Variants in USP12 observed in about 807,000 individuals in gnomAD.
USP12 encodes ubiquitin specific peptidase 12, also known as ubiquitin carboxyl-terminal hydrolase 12.
In USP12, 19 loss-of-function variants were observed where a neutral mutation model predicts 45.5. That is an observed-to-expected ratio of 0.42 (90% CI 0.29 to 0.61). The LOEUF (loss-of-function observed/expected upper bound fraction) is 0.61. USP12 is among the 20% of genes least tolerant of loss of function. USP12 has a pLI of 0.22. For missense variants in USP12, 242 were observed against 447.7 expected (o/e 0.54, Z 4.15); for synonymous variants, 149 against 148.8 (o/e 1.00, Z -0.01).
intron 1 of USP12, chr13:27,170,251 A>G (rs1878528087): frequency 5.0e-6 from 2 of 398,550 alleles, no homozygotes; most frequent in East Asian, 7.1e-5. Context: ...ACCTGATTTC[A>G]GTCATTTTTT....
chr13:27,093,306 C>T (rs1173019586), intron 4 of USP12, among the ~76,000 whole-genome samples: 1 of 41,812 alleles, frequency 2.4e-5, no homozygotes, highest in African/African-American at 4.6e-5. Flanking sequence ...CAAAATTATA[C>T]CCGAAAAAAA....
Position 27,096,694 on chromosome 13 carries a change from C to A in USP12, c.344-864G>T, listed in dbSNP as rs147604591. Reference sequence around the variant, plus strand: ...CAGAGCCAGGATTCAAACTGGGCAGCCTGACTCCACCATGCCACACACAAA... The same window carrying A: ...CAGAGCCAGGATTCAAACTGGGCAGACTGACTCCACCATGCCACACACAAA... On this transcript the variant is annotated intron_variant, in intron 3 of 8. Transcript: ENST00000282344. 3.0e-4 allele frequency among the ~76,000 whole-genome samples: 45 copies of A among 152,242 alleles called. 1 individual carries two copies. In the Middle Eastern group the frequency reaches 0.027, roughly 92 times the overall value.
intron 3 of USP12, among the ~76,000 whole-genome samples, chr13:27,104,601 A>T (rs930664416): frequency 3.9e-5 from 6 of 152,256 alleles, no homozygotes; most frequent in African/African-American, 1.4e-4. Flanking sequence ...ATGAGCAATT[A>T]ATCAAATTAT....
chr13:27,148,753 T>C (rs1462938397), intron 1 of USP12, among the ~76,000 whole-genome samples: 1 of 132,716 alleles, frequency 7.5e-6, no homozygotes, highest in Non-Finnish European at 1.6e-5. Flanking sequence ...TAAAATAGCA[T>C]ATCAATTGAA....
At chr13:27,122,668 T>C (rs1876050045) in intron 1 of USP12, among the ~76,000 whole-genome samples, 1 of 151,444 alleles carries the variant, frequency 6.6e-6, no homozygotes, top group Non-Finnish European at 1.5e-5. Context: ...AATAAATAAA[T>C]AAATAAATAT....
chr13:27,076,545 T>C (rs1404176178), intron 6 of USP12, among the ~76,000 whole-genome samples: 1 of 152,256 alleles, frequency 6.6e-6, no homozygotes, highest in African/African-American at 2.4e-5. Flanking sequence ...TAGGTGATTA[T>C]GGTTCTTTTC....
chr13:27,093,056 C>T (rs988440198), intron 4 of USP12, among the ~76,000 whole-genome samples: 5 of 151,804 alleles, frequency 3.3e-5, no homozygotes, highest in South Asian at 4.2e-4. Context: ...ATTAGCCGGG[C>T]GTGGTGGCGC....
intron 1 of USP12, among the ~76,000 whole-genome samples, chr13:27,142,533 T>C (rs552064697): frequency 6.8e-4 from 104 of 152,328 alleles, no homozygotes; most frequent in African/African-American, 2.4e-3. Context: ...TTTTTACGAA[T>C]GTACACACAA....
At position 27,106,576 on chromosome 13, in the gene USP12, G is replaced by T. The variant is rs1248586826; in HGVS notation, c.130-632C>A. ...GGAGCACTATGAAACTATAAAAAAG[G>T]AATGAGGATAATTCTCATATTTCTA... On this transcript the variant is annotated intron_variant, in intron 2 of 8. Transcript: ENST00000282344. Among the ~76,000 whole-genome samples the T allele has an allele frequency of 3.3e-5, 5 of 152,198 alleles. No individual in the cohort carries two copies. The East Asian group carries it at 9.7e-4, about 29-fold the overall frequency.
At chr13:27,138,400 A>G (rs759013431) in intron 1 of USP12, among the ~76,000 whole-genome samples, 1 of 152,212 alleles carries the variant, frequency 6.6e-6, no homozygotes, top group Non-Finnish European at 1.5e-5. Context: ...TAAATTTATG[A>G]ACAGAAGCAA....
intron 2 of USP12, among the ~76,000 whole-genome samples, chr13:27,113,171 C>T (rs1263880780): frequency 1.3e-5 from 2 of 150,896 alleles, no homozygotes; most frequent in Non-Finnish European, 2.9e-5. Flanking sequence ...GAAGGTGAAG[C>T]TGCAGTGAGC....
chr13:27,091,209 AG>A (rs1177561947), intron 4 of USP12, among the ~76,000 whole-genome samples: 2 of 152,218 alleles, frequency 1.3e-5, no homozygotes, highest in Non-Finnish European at 2.9e-5. Context: ...TCAATTTTGT[AG>A]AAAAGTGGGT....
intron 7 of USP12, among the ~76,000 whole-genome samples, chr13:27,072,870 C>T (rs145680445): frequency 1.1e-3 from 164 of 152,186 alleles, no homozygotes; most frequent in African/African-American, 3.6e-3. Context: ...CTGCGCACAC[C>T]CTCCACACTT....
intron 1 of USP12, among the ~76,000 whole-genome samples, chr13:27,125,171 A>AGTAT (rs1418039432): frequency 6.6e-6 from 1 of 152,194 alleles, no homozygotes; most frequent in African/African-American, 2.4e-5. Flanking sequence ...TCAATATGTA[A>AGTAT]GTATGTATGT....
At chr13:27,164,956 A>C (rs10507377) in intron 1 of USP12, among the ~76,000 whole-genome samples, 6,016 of 152,264 alleles carry the variant, frequency 0.04, 158 homozygotes, top group Admixed American at 0.075. Context: ...TAAATATAAT[A>C]ATATGGCCTC....
At chr13:27,122,951 A>G (rs1361507629) in intron 1 of USP12, among the ~76,000 whole-genome samples, 1 of 152,052 alleles carries the variant, frequency 6.6e-6, no homozygotes, top group Non-Finnish European at 1.5e-5. Context: ...AAAATTAGCC[A>G]GGCCTGGTGG....
At chr13:27,100,709 A>G (rs2137781032) in intron 3 of USP12, among the ~76,000 whole-genome samples, 1 of 152,336 alleles carries the variant, frequency 6.6e-6, no homozygotes, top group Middle Eastern at 3.4e-3. Flanking sequence ...AGGTCCACTA[A>G]GGCAAGGAGT....
intron 1 of USP12, chr13:27,117,652 C>T (rs1044290528): frequency 1.8e-5 from 7 of 388,970 alleles, no homozygotes; most frequent in Non-Finnish European, 3.3e-5. Flanking sequence ...GAAAGCAGAC[C>T]GAAGAATGTA....
At chr13:27,094,483 C>T (rs183501777) in intron 4 of USP12, among the ~76,000 whole-genome samples, 92 of 152,102 alleles carry the variant, frequency 6.0e-4, no homozygotes, top group Middle Eastern at 3.4e-3. Context: ...GCCTGGGCGA[C>T]AGAGCAAGAA....
Sources: allele counts gnomAD v4.1 joint callset (sites outside exome capture counted in the v4.1 genomes callset), GRCh38; gene constraint gnomAD v4.1.1; transcripts MANE v1.5; gene names NCBI Gene and HGNC (gene_info 2026-07-23, HGNC 2026-07-21).